SLCO1A2: variants seen among roughly 807,000 people sequenced by gnomAD.
SLCO1A2 encodes the protein solute carrier organic anion transporter family member 1A2.
SLCO1A2 carries 67 observed loss-of-function variants against 69.0 expected under a neutral mutation model. The ratio of observed to expected loss-of-function variants is 0.97; its 90% CI spans 0.80 to 1.19. The LOEUF is 1.19. SLCO1A2 is among the 50% of genes most tolerant of loss of function. SLCO1A2 has a pLI of 0.00. For synonymous variants in SLCO1A2, 260 were observed against 265.9 expected (o/e 0.98, Z 0.22); for missense variants, 787 against 793.7 (o/e 0.99, Z 0.10).
At chr12:21,376,466 C>T (rs1461289255) in intron 1 of SLCO1A2, 1 of 178,356 alleles carries the variant, frequency 5.6e-6, no homozygotes, top group African/African-American at 2.4e-5. Flanking sequence ...TTTATGGTAC[C>T]TTCAAAAATA....
At chr12:21,276,048 G>C (rs1490107683) in intron 12 of SLCO1A2, among the ~76,000 whole-genome samples, 1 of 151,902 alleles carries the variant, frequency 6.6e-6, no homozygotes, top group Non-Finnish European at 1.5e-5. Context: ...GATTAGAAAA[G>C]AACAAGAATA....
intron 1 of SLCO1A2, among the ~76,000 whole-genome samples, chr12:21,415,168 T>G (rs1941970001): frequency 6.6e-6 from 1 of 152,060 alleles, no homozygotes; most frequent in Admixed American, 6.6e-5. Flanking sequence ...ATTCATTATT[T>G]CAGTTTGTCC....
chr12:21,400,902 A>C (rs111607153), intron 1 of SLCO1A2, among the ~76,000 whole-genome samples: 1 of 142,256 alleles, frequency 7.0e-6, no homozygotes, highest in Non-Finnish European at 1.5e-5. Flanking sequence ...GGGGAGGGAT[A>C]GCATCGGGAG....
At chr12:21,341,019 C>T (rs1953052673) in intron 2 of SLCO1A2, among the ~76,000 whole-genome samples, 1 of 151,938 alleles carries the variant, frequency 6.6e-6, no homozygotes, top group South Asian at 2.1e-4. Context: ...CAGATATCAA[C>T]CCATTTAATT....
intron 2 of SLCO1A2, among the ~76,000 whole-genome samples, chr12:21,351,181 T>C (rs952598760): frequency 3.3e-5 from 5 of 152,088 alleles, no homozygotes; most frequent in East Asian, 1.9e-4. Context: ...TGGAAGCCAA[T>C]AGATAAGAAA....
chr12:21,300,150 T>A (rs1948521121), intron 8 of SLCO1A2, among the ~76,000 whole-genome samples, 198 bp downstream of exon 8: 1 of 151,622 alleles, frequency 6.6e-6, no homozygotes. Flanking sequence ...TCTGAAATAT[T>A]TCAGCTTCCA....
In SLCO1A2 at chr12:21,385,876, A is replaced by C. The variant is rs74844229; in HGVS notation, c.-190+9030T>G. 1.7e-3 allele frequency among the ~76,000 whole-genome samples: 252 copies of C among 152,340 alleles called. 7 individuals carry two copies. The East Asian group carries it at 0.042, about 25-fold the overall frequency. On this transcript the variant is annotated intron_variant, in intron 1 of 15. Coordinates refer to the SLCO1A2 transcript ENST00000307378. Reference sequence around the variant, plus strand: ...AGTATTTGATCCTTACGAGGTGCTTAGAAACCATATTTTTCCAGAACCCCT... The same window carrying C: ...AGTATTTGATCCTTACGAGGTGCTTCGAAACCATATTTTTCCAGAACCCCT...
At chr12:21,381,623 C>T (rs1473488310) in intron 1 of SLCO1A2, among the ~76,000 whole-genome samples, 1 of 151,830 alleles carries the variant, frequency 6.6e-6, no homozygotes, top group Admixed American at 6.6e-5. Flanking sequence ...TGGTGAAATC[C>T]CATCTCTACT....
At chr12:21,275,160 GA>G in intron 13 of SLCO1A2, 199 bp downstream of exon 13, 1 of 753,748 alleles carries the variant, frequency 1.3e-6, no homozygotes, top group East Asian at 5.1e-5. Flanking sequence ...TGGGGTGGGG[GA>G]AGGGGGGAGG....
chr12:21,265,946 CT>C lies in SLCO1A2; in HGVS notation c.*3601del, dbSNP rs1254103121. On this transcript the variant is annotated 3_prime_UTR_variant, in exon 15 of 15. Transcript: ENST00000683939. ...CAACCTCTTCTACCAGGAGCTGTCT[CT>C]GATAATCACCTTGGTTCAAGGAGCA... is the stretch of plus-strand genomic sequence containing the variant. The C allele has an allele frequency of 2.0e-5, 3 of 152,114 alleles. No homozygotes were observed. The highest frequency in any genetic ancestry group is 4.4e-5 in the Non-Finnish European group (3 of 68,024). The allele number at this position is 152,114 out of a possible 1,614,324, so 9.4% of individuals were successfully genotyped here.
intron 1 of SLCO1A2, among the ~76,000 whole-genome samples, chr12:21,406,561 T>C (rs2137200217): frequency 6.6e-6 from 1 of 152,348 alleles, no homozygotes; most frequent in East Asian, 1.9e-4. Flanking sequence ...TTGTTGAATA[T>C]TTATGATGTG....
At chr12:21,362,609 T>G (rs1939006726) in intron 2 of SLCO1A2, among the ~76,000 whole-genome samples, 2 of 151,956 alleles carry the variant, frequency 1.3e-5, no homozygotes, top group African/African-American at 2.4e-5. Context: ...ACTGGCAAAT[T>G]GGATAAAGAG....
chr12:21,396,847 T>A (rs1355866441), upstream of SLCO1A2, among the ~76,000 whole-genome samples: 5 of 151,990 alleles, frequency 3.3e-5, no homozygotes, highest in South Asian at 2.1e-4. Flanking sequence ...CCACCAGGCC[T>A]GCCTTACAAG....
intron 2 of SLCO1A2, among the ~76,000 whole-genome samples, chr12:21,372,686 A>T (rs1211683792): frequency 6.6e-6 from 1 of 152,214 alleles, no homozygotes; most frequent in African/African-American, 2.4e-5. Context: ...TCTGCTGTGT[A>T]TGACACACCA....
At chr12:21,277,754 C>T (rs1466475560) in intron 12 of SLCO1A2, among the ~76,000 whole-genome samples, 1 of 152,116 alleles carries the variant, frequency 6.6e-6, no homozygotes, top group Non-Finnish European at 1.5e-5. Flanking sequence ...GTGCAGTTCA[C>T]AATAGGGTTC....
intron 2 of SLCO1A2, among the ~76,000 whole-genome samples, chr12:21,357,766 C>G (rs1938487953): frequency 6.6e-6 from 1 of 152,106 alleles, no homozygotes; most frequent in East Asian, 1.9e-4. Context: ...TCTAAAGCTC[C>G]TAATCTGTAT....
chr12:21,360,262 T>C (rs561435781), intron 2 of SLCO1A2, among the ~76,000 whole-genome samples: 1 of 152,326 alleles, frequency 6.6e-6, no homozygotes, highest in South Asian at 2.1e-4. Flanking sequence ...GTGTGTGCAT[T>C]GGCCAAAACC....
At chr12:21,308,487 TTTGTTTAAG>T (rs1949708851) in intron 4 of SLCO1A2, among the ~76,000 whole-genome samples, 1 of 152,186 alleles carries the variant, frequency 6.6e-6, no homozygotes, top group Non-Finnish European at 1.5e-5. Context: ...TGGTTTAAAG[TTTGTTTAAG>T]AAACATTCAA....
intron 1 of SLCO1A2, among the ~76,000 whole-genome samples, chr12:21,383,777 G>T (rs1328900369): frequency 3.9e-5 from 6 of 151,950 alleles, no homozygotes; most frequent in African/African-American, 1.2e-4. Flanking sequence ...TTTTGGTTAT[G>T]TATGCTCAAG....
Sources: allele counts gnomAD v4.1 joint callset (sites outside exome capture counted in the v4.1 genomes callset), GRCh38; gene constraint gnomAD v4.1.1; transcripts MANE v1.5; gene names NCBI Gene and HGNC (gene_info 2026-07-23, HGNC 2026-07-21).